RBM20: variants seen among roughly 807,000 people sequenced by gnomAD.
The protein encoded by RBM20 is RNA-binding protein 20.
RBM20 carries 51 observed loss-of-function variants against 110.1 expected under a neutral mutation model. That is an observed-to-expected ratio of 0.46 (90% CI 0.37 to 0.59). RBM20 has a LOEUF of 0.59. RBM20 is among the 20% of genes least tolerant of loss of function. The pLI is 0.00. For synonymous variants in RBM20, 589 were observed against 618.2 expected (o/e 0.95, Z 0.70); for missense variants, 1,512 against 1,574.9 (o/e 0.96, Z 0.68).
chr10:110,711,912 G>A (rs577691121), intron 1 of RBM20, among the ~76,000 whole-genome samples: 5 of 151,982 alleles, frequency 3.3e-5, no homozygotes, highest in African/African-American at 1.2e-4. Flanking sequence ...TCTGTTTATT[G>A]TTGTTACTCA....
chr10:110,796,998 T>C (rs1844558307), intron 5 of RBM20, among the ~76,000 whole-genome samples: 1 of 152,218 alleles, frequency 6.6e-6, no homozygotes, highest in African/African-American at 2.4e-5. Context: ...GGCAGGATCA[T>C]GGGCTCTGTA....
chr10:110,801,287 C>T (rs754716136), intron 7 of RBM20, among the ~76,000 whole-genome samples: 9 of 151,990 alleles, frequency 5.9e-5, no homozygotes, highest in East Asian at 1.9e-4. Context: ...ATTAGCCAGG[C>T]GTGGTGGCAG....
At chr10:110,783,609 A>T (rs1409300241) in intron 3 of RBM20, among the ~76,000 whole-genome samples, 182 bp downstream of exon 3, 2 of 152,234 alleles carry the variant, frequency 1.3e-5, no homozygotes, top group African/African-American at 4.8e-5. Flanking sequence ...CAAAATGAAC[A>T]AGAAAATTAC....
Position 110,781,571 on chromosome 10 carries a change from G to A in RBM20, c.962G>A (p.Ser321Asn). 6.4e-7 allele frequency: 1 copy of A among 1,551,698 alleles called. No individual in the cohort carries two copies. Among genetic ancestry groups the A allele is most frequent in the South Asian group, 1.2e-5 (1 of 84,056 alleles). ...LLQGTNSQWESPHGFSGQSKP... is the reference protein window; with the variant it reads ...LLQGTNSQWENPHGFSGQSKP... ...CAGGGCACAAACAGCCAATGGGAGA[G>A]CCCCCATGGATTCTCGGGCCAAAGC... Residue 321 changes from serine to asparagine, a missense_variant, in exon 2 of 14, where the codon AGC becomes AAC. This residue lies in a region of RBM20 where 1,149 missense variants were observed against 1,169.4 expected (regional missense o/e 0.98). Coordinates refer to ENST00000369519, the MANE Select transcript of RBM20 (RefSeq NM_001134363.3).
chr10:110,690,234 C>T (rs1295670045), intron 1 of RBM20, among the ~76,000 whole-genome samples: 1 of 152,006 alleles, frequency 6.6e-6, no homozygotes, highest in African/African-American at 2.4e-5. Flanking sequence ...AGTGAGCCCT[C>T]CTGTCTACTA....
intron 1 of RBM20, among the ~76,000 whole-genome samples, chr10:110,729,749 G>A (rs896048237): frequency 2.6e-5 from 4 of 152,308 alleles, no homozygotes; most frequent in South Asian, 2.1e-4. Flanking sequence ...CCCTAGATGC[G>A]ATGTTGGAAT....
At position 110,767,425 on chromosome 10, in the gene RBM20, G is replaced by A. The variant is rs1176078208; in HGVS notation, c.192-13376G>A. On this transcript the variant is annotated intron_variant, in intron 1 of 13. Transcript: ENST00000369519. ...CTCCCTCCCGGACGGGGTGGCTGCC[G>A]GGCAGAGACGCTCCTCACTTCCCAG... Among the ~76,000 whole-genome samples, 132 of 151,174 alleles carry A rather than the reference G, an allele frequency of 8.7e-4. 1 individual carries two copies. The highest frequency in any genetic ancestry group is 3.0e-4 in the Non-Finnish European group (20 of 67,530).
chr10:110,773,063 A>T (rs577769007), intron 1 of RBM20, among the ~76,000 whole-genome samples: 2 of 152,344 alleles, frequency 1.3e-5, no homozygotes, highest in African/African-American at 4.8e-5. Flanking sequence ...GGCCAGGCCC[A>T]GGTCTTCTGA....
intron 1 of RBM20, among the ~76,000 whole-genome samples, chr10:110,702,320 A>C (rs1835493481): frequency 2.0e-5 from 3 of 152,004 alleles, no homozygotes; most frequent in South Asian, 4.2e-4. Flanking sequence ...TGGGAGGATC[A>C]CCTGAGGGCA....
In RBM20 at chr10:110,839,085, G is replaced by T. The variant is rs999339103; in HGVS notation, c.*3107G>T. On this transcript the variant is annotated 3_prime_UTR_variant, in exon 14 of 14. Transcript: ENST00000369519. ...AAGCAACAGATTCATATTTACCCTG[G>T]GTTAATACAACAAAAGGCCTGTATA... The T allele has an allele frequency of 6.6e-6, 1 of 152,114 alleles. No homozygotes were observed. The highest frequency in any genetic ancestry group is 1.5e-5 in the Non-Finnish European group (1 of 68,026). The allele number at this position is 152,114 out of a possible 1,614,324, so 9.4% of individuals were successfully genotyped here. A position where few individuals can be genotyped will look rare whatever the true frequency, so the allele number is the denominator to read the frequency against.
rs1022042830 is a variant in RBM20 at position 110,784,258 on chromosome 10, C to G, written c.1338-83C>G. 18 of 1,018,458 alleles carry G rather than the reference C, an allele frequency of 1.8e-5. 1 individual carries two copies. The South Asian group carries it at 2.5e-4, about 14-fold the overall frequency. 63.1% of individuals were successfully genotyped at this position (1,018,458 alleles called of 1,614,324 possible). A position where few individuals can be genotyped will look rare whatever the true frequency, so the allele number is the denominator to read the frequency against. On this transcript the variant is annotated intron_variant, in intron 3 of 13. Transcript: ENST00000369519. ...GTTTTCAACTATTTGGGGGTCTGCA[C>G]CTACGAGTGGAATTTCTGGGTCACA...
chr10:110,737,129 A>T (rs1843678733), intron 1 of RBM20, among the ~76,000 whole-genome samples: 1 of 144,756 alleles, frequency 6.9e-6, no homozygotes, highest in Non-Finnish European at 1.5e-5. Flanking sequence ...GTGAGCTGAG[A>T]TAGTGCCATT....
chr10:110,838,560 T>G lies in RBM20; in HGVS notation c.*2582T>G, dbSNP rs1845162402. The G allele has an allele frequency of 6.6e-6, 1 of 152,234 alleles. No individual in the cohort carries two copies. Among genetic ancestry groups the G allele is most frequent in the South Asian group, 2.1e-4 (1 of 4,832 alleles). The allele number at this position is 152,234 out of a possible 1,614,324, so 9.4% of individuals were successfully genotyped here. ...CACAATTTTTATCAGAGGTTAGAAC[T>G]GTACATTATCAGAGAGACTGGACAC... is the stretch of plus-strand genomic sequence containing the variant. On this transcript the variant is annotated 3_prime_UTR_variant, in exon 14 of 14. Transcript: ENST00000369519.
intron 1 of RBM20, among the ~76,000 whole-genome samples, chr10:110,665,171 A>G (rs1862158936): frequency 6.6e-6 from 1 of 152,194 alleles, no homozygotes; most frequent in Admixed American, 6.5e-5. Flanking sequence ...CACCATGACC[A>G]GTCAGAAAAT....
intron 1 of RBM20, among the ~76,000 whole-genome samples, chr10:110,704,223 G>T (rs1386343041): frequency 1.3e-5 from 2 of 152,172 alleles, no homozygotes; most frequent in Non-Finnish European, 2.9e-5. Context: ...TGTATCAATG[G>T]TGCATTATTT....
At chr10:110,806,788 A>G (rs1844700977) in intron 7 of RBM20, among the ~76,000 whole-genome samples, 1 of 152,016 alleles carries the variant, frequency 6.6e-6, no homozygotes, top group African/African-American at 2.4e-5. Flanking sequence ...TCATAGACCT[A>G]CTCTTTTCTC....
At chr10:110,723,810 A>G (rs553517833) in intron 1 of RBM20, among the ~76,000 whole-genome samples, 1 of 152,242 alleles carries the variant, frequency 6.6e-6, no homozygotes, top group Admixed American at 6.5e-5. Context: ...CCTGTTGTAC[A>G]GATGAGCACG....
At chr10:110,727,143 CTTTTTTTTTTT>C (rs57606079) in intron 1 of RBM20, among the ~76,000 whole-genome samples, 10 of 80,664 alleles carry the variant, frequency 1.2e-4, no homozygotes, top group South Asian at 5.1e-4. Flanking sequence ...TGCACCCAGC[CTTTTTTTTTTT>C]TTTTTTTTTT....
intron 1 of RBM20, among the ~76,000 whole-genome samples, chr10:110,771,691 G>A (rs1438897279): frequency 2.0e-5 from 3 of 152,318 alleles, no homozygotes; most frequent in Middle Eastern, 3.4e-3. Context: ...AGAGAAGGCT[G>A]CCTGGAGGAG....
Sources: gnomAD v4.1 joint callset for allele counts (sites outside exome capture counted in the v4.1 genomes callset) on GRCh38, gnomAD v4.1.1 for gene constraint, gnomAD v4.1.1 regional missense constraint, MANE v1.5 for transcripts, NCBI Gene and HGNC (gene_info 2026-07-23, HGNC 2026-07-21) for gene names.